Variants in SGCG observed in about 807,000 individuals in gnomAD.
The protein encoded by SGCG is sarcoglycan gamma.
In SGCG, 26 loss-of-function variants were observed where a neutral mutation model predicts 29.3. The ratio of observed to expected loss-of-function variants is 0.89; its 90% CI spans 0.65 to 1.23. The LOEUF (loss-of-function observed/expected upper bound fraction) is 1.23. Among genes scored for constraint, SGCG ranks in the 50% most tolerant of loss-of-function variants. The pLI is 0.00. For synonymous variants in SGCG, 145 were observed against 129.7 expected, an observed-to-expected ratio of 1.12 and a Z score of -0.80; for missense variants, 353 against 356.0, an observed-to-expected ratio of 0.99 and a Z score of 0.07.
In SGCG at chr13:23,230,414, G is replaced by A. The variant is rs1297481925; in HGVS notation, c.196-4197G>A. On this transcript the variant is annotated intron_variant, in intron 2 of 7. Coordinates refer to ENST00000218867, the MANE Select transcript of SGCG (RefSeq NM_000231.3). Reference sequence around the variant, plus strand: ...AATGATATTGATTCTTCCTATCCATGAGCATGGAATATTTTCCATTTGTTT... The same window carrying A: ...AATGATATTGATTCTTCCTATCCATAAGCATGGAATATTTTCCATTTGTTT... 3.3e-5 allele frequency among the ~76,000 whole-genome samples: 5 copies of A among 152,200 alleles called. 1 individual carries two copies. Among genetic ancestry groups the A allele is most frequent in the African/African-American group, 1.2e-4 (5 of 41,452 alleles).
intron 2 of SGCG, among the ~76,000 whole-genome samples, chr13:23,207,601 C>T (rs908058032): frequency 2.6e-5 from 4 of 152,056 alleles, no homozygotes; most frequent in African/African-American, 9.7e-5. Flanking sequence ...ATATAAGGAA[C>T]TCCTATAACT....
At chr13:23,245,375 T>C (rs1204479870) in intron 3 of SGCG, 2 of 152,104 alleles carry the variant, frequency 1.3e-5, no homozygotes, top group Non-Finnish European at 2.9e-5. Context: ...GACCTAAAGA[T>C]AGCGACGCTT....
chr13:23,186,310 G>C (rs1465170859), intron 1 of SGCG, among the ~76,000 whole-genome samples: 1 of 152,184 alleles, frequency 6.6e-6, no homozygotes, highest in East Asian at 1.9e-4. Flanking sequence ...TGGTCCGCCT[G>C]GGTGACAAAC....
chr13:23,314,449 T>C (rs1241058156), intron 6 of SGCG, among the ~76,000 whole-genome samples: 1 of 123,132 alleles, frequency 8.1e-6, no homozygotes, highest in Non-Finnish European at 1.7e-5. Flanking sequence ...ATAAGATATA[T>C]ATAAAGGTAT....
intron 1 of SGCG, among the ~76,000 whole-genome samples, chr13:23,189,189 C>T (rs1877137060): frequency 6.6e-6 from 1 of 152,178 alleles, no homozygotes; most frequent in Non-Finnish European, 1.5e-5. Context: ...AGGGAAATGA[C>T]CGTTTGGTGG....
chr13:23,221,365 CAG>C lies in SGCG; in HGVS notation c.196-13243_196-13242del, dbSNP rs371265139. Among the ~76,000 whole-genome samples the C allele has an allele frequency of 9.2e-4, 140 of 152,266 alleles. 1 individual carries two copies. Among genetic ancestry groups the C allele is most frequent in the African/African-American group, 3.0e-3 (126 of 41,548 alleles). On this transcript the variant is annotated intron_variant, in intron 2 of 7. Coordinates refer to ENST00000218867, the MANE Select transcript of SGCG (RefSeq NM_000231.3). Reference sequence around the variant, plus strand: ...GGACTATATAACACAAACTAAAATGCAGAGTCACTTACTATACACTATTTATC... The same window carrying C: ...GGACTATATAACACAAACTAAAATGCAGTCACTTACTATACACTATTTATC...
chr13:23,219,053 G>T (rs9510627), intron 2 of SGCG, among the ~76,000 whole-genome samples: 100,047 of 139,134 alleles, frequency 0.72, 34,550 homozygotes, highest in East Asian at 0.92. Context: ...TTTATGGGTT[G>T]TTTTTTTTTC....
chr13:23,205,910 G>A (rs1877964519), intron 2 of SGCG, among the ~76,000 whole-genome samples: 1 of 152,150 alleles, frequency 6.6e-6, no homozygotes, highest in African/African-American at 2.4e-5. Context: ...CAAAAGGCAA[G>A]ATACCCAAAG....
At chr13:23,319,840 G>A (rs1882966743) in intron 6 of SGCG, among the ~76,000 whole-genome samples, 1 of 152,180 alleles carries the variant, frequency 6.6e-6, no homozygotes, top group South Asian at 2.1e-4. Flanking sequence ...TGGAAATACA[G>A]CCTTTTCCAG....
At chr13:23,171,329 A>C in the SGCG span, among the ~76,000 whole-genome samples, 23 of 152,348 alleles carry the variant, frequency 1.5e-4, no homozygotes, top group Non-Finnish European at 2.9e-4. Context: ...CAACATTAAT[A>C]GGAGAACATT....
At chr13:23,260,444 C>T (rs560372044) in intron 4 of SGCG, among the ~76,000 whole-genome samples, 1 of 152,172 alleles carries the variant, frequency 6.6e-6, no homozygotes, top group South Asian at 2.1e-4. Flanking sequence ...TATGTCTCTG[C>T]ACATGAGATG....
intron 4 of SGCG, among the ~76,000 whole-genome samples, chr13:23,261,123 A>G (rs1033839901): frequency 2.0e-5 from 3 of 152,080 alleles, no homozygotes; most frequent in African/African-American, 7.2e-5. Context: ...TAATATCCTG[A>G]AGAAATTTTT....
At chr13:23,253,761 C>T (rs970021903) in intron 4 of SGCG, among the ~76,000 whole-genome samples, 5 of 152,122 alleles carry the variant, frequency 3.3e-5, no homozygotes, top group African/African-American at 1.2e-4. Flanking sequence ...AGGGTGGATC[C>T]CTCTCAAACG....
At chr13:23,257,993 T>C (rs1880267170) in intron 4 of SGCG, among the ~76,000 whole-genome samples, 1 of 152,226 alleles carries the variant, frequency 6.6e-6, no homozygotes, top group Non-Finnish European at 1.5e-5. Flanking sequence ...TTCCTCCAGC[T>C]TTGTTCTTTT....
intron 3 of SGCG, among the ~76,000 whole-genome samples, chr13:23,242,655 T>C (rs1370012642): frequency 6.6e-6 from 1 of 152,130 alleles, no homozygotes; most frequent in Non-Finnish European, 1.5e-5. Flanking sequence ...GTAAAATTTT[T>C]CTAAAAGGCA....
intron 4 of SGCG, among the ~76,000 whole-genome samples, chr13:23,257,358 C>T (rs908597501): frequency 6.6e-6 from 1 of 151,976 alleles, no homozygotes; most frequent in Non-Finnish European, 1.5e-5. Context: ...TTTGCTGCAC[C>T]CATTAACTAG....
At chr13:23,172,812 A>C in the SGCG span, among the ~76,000 whole-genome samples, 1 of 152,232 alleles carries the variant, frequency 6.6e-6, no homozygotes, top group East Asian at 1.9e-4. Flanking sequence ...CCTATGCTGA[A>C]GGCCAGGAGT....
chr13:23,312,075 C>T (rs1272833235), intron 6 of SGCG, among the ~76,000 whole-genome samples: 4 of 152,204 alleles, frequency 2.6e-5, no homozygotes, highest in Non-Finnish European at 1.5e-5. Flanking sequence ...TGTGTCTCTG[C>T]GGACTCTAGC....
At chr13:23,217,230 TATC>T (rs1878464440) in intron 2 of SGCG, among the ~76,000 whole-genome samples, 1 of 152,160 alleles carries the variant, frequency 6.6e-6, no homozygotes, top group African/African-American at 2.4e-5. Flanking sequence ...ATGCATTTGT[TATC>T]ATACTATAAG....
Sources: gnomAD v4.1 joint callset for allele counts (sites outside exome capture counted in the v4.1 genomes callset) on GRCh38, gnomAD v4.1.1 for gene constraint, MANE v1.5 for transcripts, NCBI Gene and HGNC (gene_info 2026-07-23, HGNC 2026-07-21) for gene names.